RANGAP1: variants seen among roughly 807,000 people sequenced by gnomAD.
RANGAP1 encodes the protein ran GTPase-activating protein 1.
RANGAP1 carries 38 observed loss-of-function variants against 63.5 expected under a neutral mutation model. That is an observed-to-expected ratio of 0.60 (90% CI 0.46 to 0.78). RANGAP1 has a LOEUF of 0.78. Ranked by LOEUF, RANGAP1 falls within the 30% of genes least tolerant of loss-of-function variation. The pLI is 0.00. For missense variants in RANGAP1, 630 were observed against 740.3 expected, an observed-to-expected ratio of 0.85 and a Z score of 1.73; for synonymous variants, 329 against 310.5, an observed-to-expected ratio of 1.06 and a Z score of -0.63.
intron 2 of RANGAP1, among the ~76,000 whole-genome samples, chr22:41,275,125 T>C (rs1480086963): frequency 6.6e-6 from 1 of 152,122 alleles, no homozygotes; most frequent in Non-Finnish European, 1.5e-5. Flanking sequence ...AAGTGATTCA[T>C]GTGTGGGGTG....
At chr22:41,284,567 C>T (rs1366054309) in intron 1 of RANGAP1, among the ~76,000 whole-genome samples, 1 of 132,408 alleles carries the variant, frequency 7.6e-6, no homozygotes, top group Non-Finnish European at 1.6e-5. Flanking sequence ...AACTCCGTCT[C>T]AAAAAAAAAA....
chr22:41,262,946 G>A (rs948960757), intron 5 of RANGAP1, among the ~76,000 whole-genome samples: 5 of 152,162 alleles, frequency 3.3e-5, no homozygotes, highest in African/African-American at 1.2e-4. Context: ...AGAAGAAAAA[G>A]ATTCCAAAGG....
At chr22:41,291,662 G>A in the RANGAP1 span, among the ~76,000 whole-genome samples, 1 of 151,302 alleles carries the variant, frequency 6.6e-6, no homozygotes, top group Admixed American at 6.6e-5. Flanking sequence ...ACTTTGGGGG[G>A]CCGAGGCGGG....
chr22:41,256,341 C>G (rs470112), intron 8 of RANGAP1, 51 bp from the exon 9 acceptor site: 651,995 of 1,557,500 alleles, frequency 0.42, 140,983 homozygotes, highest in Middle Eastern at 0.46. Context: ...GGCCAGGACA[C>G]CAGGTTCTAC....
At chr22:41,274,513 A>C (rs1601689594) in intron 3 of RANGAP1, 87 bp downstream of exon 3, 1 of 1,560,532 alleles carries the variant, frequency 6.4e-7, no homozygotes, top group African/African-American at 1.4e-5. Flanking sequence ...AGGGGCCTGG[A>C]AGAGACTGGA....
chr22:41,261,776 A>T (rs116352516), intron 5 of RANGAP1, among the ~76,000 whole-genome samples, 196 bp from the exon 6 acceptor site: 3,270 of 152,294 alleles, frequency 0.021, 93 homozygotes, highest in African/African-American at 0.074. Context: ...TTTATCTCTA[A>T]TGCTGTGTCA....
At position 41,285,367 on chromosome 22, in the gene RANGAP1, T is replaced by G. The variant is rs73414826; in HGVS notation, c.-39+619A>C. Reference sequence around the variant, plus strand: ...GATGCACCCCTCCACACTCACTTTATAAACCAAGAAACTGGAGCACAGAAA... The same window carrying G: ...GATGCACCCCTCCACACTCACTTTAGAAACCAAGAAACTGGAGCACAGAAA... On this transcript the variant is annotated intron_variant, in intron 1 of 15. Transcript: ENST00000356244. The G allele has an allele frequency of 9.4e-3, 4,412 of 469,300 alleles. 178 individuals are homozygous for G. Among genetic ancestry groups the G allele is most frequent in the African/African-American group, 0.08 (3,791 of 47,132 alleles). The allele number at this position is 469,300 out of a possible 1,614,324, so 29.1% of individuals were successfully genotyped here. A position where few individuals can be genotyped will look rare whatever the true frequency, so the allele number is the denominator to read the frequency against.
upstream of RANGAP1, among the ~76,000 whole-genome samples, chr22:41,287,448 A>C (rs1844598070): frequency 6.9e-6 from 1 of 144,888 alleles, no homozygotes; most frequent in Admixed American, 7.1e-5. Context: ...TGTTGGGATT[A>C]TAGGCGAGAG....
chr22:41,253,322 G>C lies in RANGAP1; in HGVS notation c.1261-331C>G, dbSNP rs117476274. ...CGGAGGCACATGGGGGCTAAAGTGG[G>C]TCCCCGTAGAACTACAGTCCAGCCT... On this transcript the variant is annotated intron_variant, in intron 11 of 15. Coordinates refer to ENST00000356244, the MANE Select transcript of RANGAP1 (RefSeq NM_002883.4). Among the ~76,000 whole-genome samples the C allele has an allele frequency of 8.7e-4, 133 of 152,336 alleles. 1 individual carries two copies. The highest frequency in any genetic ancestry group is 1.5e-3 in the Non-Finnish European group (102 of 68,028).
At position 41,257,843 on chromosome 22, in the gene RANGAP1, A is replaced by C; in HGVS notation, c.774+105T>G. Reference sequence around the variant, plus strand: ...TGGGGCACACACCCAGGGGGCAGGCAGGGGGTAGAGGAGTCCCTGCTAAAC... The same window carrying C: ...TGGGGCACACACCCAGGGGGCAGGCCGGGGGTAGAGGAGTCCCTGCTAAAC... On this transcript the variant is annotated intron_variant, in intron 7 of 15. Coordinates refer to ENST00000356244, the MANE Select transcript of RANGAP1 (RefSeq NM_002883.4). The surrounding 1 kb of genome is among the most constrained non-coding windows in gnomAD (Gnocchi z 4.0). The C allele has an allele frequency of 7.5e-7, 1 of 1,338,926 alleles. No homozygotes were observed. Among genetic ancestry groups the C allele is most frequent in the Non-Finnish European group, 1.0e-6 (1 of 992,716 alleles). 82.9% of individuals were successfully genotyped at this position (1,338,926 alleles called of 1,614,324 possible).
chr22:41,277,696 G>A (rs2035239592), intron 2 of RANGAP1, among the ~76,000 whole-genome samples: 1 of 152,188 alleles, frequency 6.6e-6, no homozygotes, highest in Non-Finnish European at 1.5e-5. Flanking sequence ...GCTCACTGAT[G>A]CGGGTACCTT....
chr22:41,273,766 C>CAAAAAAAAAAA (rs71200678), intron 3 of RANGAP1, among the ~76,000 whole-genome samples: 911 of 24,358 alleles, frequency 0.037, 247 homozygotes, highest in Non-Finnish European at 0.049. Context: ...GACTCCATCT[C>CAAAAAAAAAAA]AAAAAAAAAA....
Position 41,257,871 on chromosome 22 carries a change from AG to A in RANGAP1, c.774+76del. ...GGGTAGAGGAGTCCCTGCTAAACGG[AG>A]CCCCAGCTTCCCTGGAAAGACAGCA... is the stretch of plus-strand genomic sequence containing the variant. On this transcript the variant is annotated intron_variant, in intron 7 of 15. Coordinates refer to ENST00000356244, the MANE Select transcript of RANGAP1 (RefSeq NM_002883.4). This position sits in a 1 kb window ranked among gnomAD's most constrained non-coding sequence, Gnocchi z 4.0. The A allele has an allele frequency of 1.3e-6, 2 of 1,485,810 alleles. No homozygotes were observed. Among genetic ancestry groups the A allele is most frequent in the Non-Finnish European group, 1.8e-6 (2 of 1,096,446 alleles). 92.0% of individuals were successfully genotyped at this position (1,485,810 alleles called of 1,614,324 possible).
Position 41,268,090 on chromosome 22 carries a change from C to G in RANGAP1, c.300+7G>C. The G allele has an allele frequency of 6.5e-7, 1 of 1,544,938 alleles. No individual in the cohort carries two copies. The highest frequency in any genetic ancestry group is 8.8e-7 in the Non-Finnish European group (1 of 1,138,984). On this transcript the variant is annotated splice_region_variant and intron_variant, in intron 4 of 15. Transcript: ENST00000356244. Reference sequence around the variant, plus strand: ...GCGTGGAGGGGAAGAGCGGCTAGTTCGCTTACCAGGGCTGGTGGGATCTCG... The same window carrying G: ...GCGTGGAGGGGAAGAGCGGCTAGTTGGCTTACCAGGGCTGGTGGGATCTCG...
rs2033573962 is a variant in RANGAP1 at position 41,252,974 on chromosome 22, C to G, written c.1278G>C (p.Leu426=). 2.2e-5 allele frequency: 33 copies of G among 1,523,082 alleles called. No individual in the cohort carries two copies. Among genetic ancestry groups the G allele is most frequent in the Non-Finnish European group, 2.8e-5 (32 of 1,138,496 alleles). The allele number at this position is 1,523,082 out of a possible 1,614,324, so 94.3% of individuals were successfully genotyped here. A position where few individuals can be genotyped will look rare whatever the true frequency, so the allele number is the denominator to read the frequency against. Residue 426 remains leucine (L), a synonymous_variant, in exon 12 of 16, where the codon CTG becomes CTC. Coordinates refer to ENST00000356244, the MANE Select transcript of RANGAP1 (RefSeq NM_002883.4). ...AGACGTCTGCAGGAGGTGGGGAGGA[C>G]AGCACGGGAGCTGGCTCCTGGGAAG... ...DPNTGEPAPV[L]SSPPPADVST...
upstream of RANGAP1, among the ~76,000 whole-genome samples, chr22:41,288,000 A>C (rs925105690): frequency 6.7e-6 from 1 of 149,728 alleles, no homozygotes; most frequent in Non-Finnish European, 1.5e-5. Flanking sequence ...TAAATAAATA[A>C]ATTAATTAAT....
At chr22:41,302,298 G>A in the RANGAP1 span, among the ~76,000 whole-genome samples, 1 of 151,762 alleles carries the variant, frequency 6.6e-6, no homozygotes, top group Non-Finnish European at 1.5e-5. The surrounding 1 kb of genome is among the most constrained non-coding windows in gnomAD (Gnocchi z 5.7). Context: ...GCCGCCCGAC[G>A]GGCCGCCCCT....
chr22:41,250,814 G>A (rs1569171312), intron 13 of RANGAP1, among the ~76,000 whole-genome samples, 193 bp downstream of exon 13: 2 of 152,168 alleles, frequency 1.3e-5, no homozygotes, highest in Non-Finnish European at 2.9e-5. Context: ...CAGTTTCTCA[G>A]TGGTGAAAAA....
At position 41,250,333 on chromosome 22, in the gene RANGAP1, C is replaced by A. The variant is rs117301567; in HGVS notation, c.1484-516G>T. Among the ~76,000 whole-genome samples the A allele has an allele frequency of 9.8e-5, 15 of 152,358 alleles. No individual in the cohort carries two copies. The East Asian group carries it at 2.7e-3, about 27-fold the overall frequency. On this transcript the variant is annotated intron_variant, in intron 13 of 15. Transcript: ENST00000356244. ...CTGAGCCGCCCTCCCCGCTTCGACG[C>A]CACGCCGGGAAGAGGCACCACATGT... is the stretch of plus-strand genomic sequence containing the variant.
Sources: allele counts gnomAD v4.1 joint callset (sites outside exome capture counted in the v4.1 genomes callset), GRCh38; gene constraint gnomAD v4.1.1; non-coding constraint Gnocchi (gnomAD v3.1); transcripts MANE v1.5; gene names NCBI Gene and HGNC (gene_info 2026-07-23, HGNC 2026-07-21).